Variants in IL5RA observed in about 807,000 individuals in gnomAD.
IL5RA encodes the protein interleukin 5 receptor subunit alpha.
Under a neutral mutation model 50.0 loss-of-function variants are expected in IL5RA, and 49 were observed. That is an observed-to-expected ratio of 0.98 (90% CI 0.78 to 1.24). The LOEUF is 1.24. Ranked by LOEUF, IL5RA falls within the 50% of genes most tolerant of loss-of-function variation. The probability of loss-of-function intolerance (pLI) is 0.00; values close to 1 mark genes in which losing one functional copy is unlikely to be tolerated. For synonymous variants in IL5RA, 202 were observed against 174.0 expected (o/e 1.16, Z -1.26); for missense variants, 600 against 500.4 (o/e 1.20, Z -1.90).
intron 9 of IL5RA, among the ~76,000 whole-genome samples, chr3:3,078,640 C>T (rs1305136706): frequency 1.3e-5 from 2 of 152,140 alleles, no homozygotes; most frequent in African/African-American, 4.8e-5. Context: ...TCAAGATCAG[C>T]CTGGCCAACA....
rs1702145974 is a variant in IL5RA, at chr3:3,066,769, C to G, written c.*3456G>C. 1.3e-5 allele frequency: 2 copies of G among 152,254 alleles called. No homozygotes were observed. Among genetic ancestry groups the G allele is most frequent in the East Asian group, 1.9e-4 (1 of 5,198 alleles). The allele number at this position is 152,254 out of a possible 1,614,324, so 9.4% of individuals were successfully genotyped here. ...CCAGCCTGCATGAATAGCTTGAGGT[C>G]TGAGGCATTTCAATGAGGCTCAGGT... On this transcript the variant is annotated 3_prime_UTR_variant, in exon 12 of 12. Transcript: ENST00000446632.
intron 9 of IL5RA, chr3:3,090,010 G>C: frequency 1.8e-6 from 1 of 543,688 alleles, no homozygotes; most frequent in South Asian, 2.1e-5. Context: ...AAGTGCTAGA[G>C]TCAGTTAATC....
rs192527484 is a variant in IL5RA at position 3,073,922 on chromosome 3, T to A, written c.1176+860A>T. 27 of 330,336 alleles carry A rather than the reference T, an allele frequency of 8.2e-5. No individual in the cohort carries two copies. In the East Asian group the frequency reaches 1.0e-3, roughly 12 times the overall value. The allele number at this position is 330,336 out of a possible 1,614,324, so 20.5% of individuals were successfully genotyped here. On this transcript the variant is annotated intron_variant, in intron 11 of 11. Transcript: ENST00000446632. ...GATAAAGCTACAGTAATCAAGACAG[T>A]ATTGTATTGGCATAAAGATAGACAA... is the stretch of plus-strand genomic sequence containing the variant.
At chr3:3,101,123 G>A (rs1703630440) in intron 5 of IL5RA, among the ~76,000 whole-genome samples, 1 of 151,124 alleles carries the variant, frequency 6.6e-6, no homozygotes, top group Non-Finnish European at 1.5e-5. Flanking sequence ...AGGTTGCAGT[G>A]AGTCAAGAAC....
chr3:3,104,487 G>A (rs1703809259), intron 3 of IL5RA, among the ~76,000 whole-genome samples: 1 of 152,150 alleles, frequency 6.6e-6, no homozygotes, highest in African/African-American at 2.4e-5. Context: ...GCTAGACTGG[G>A]ACCATGTGAT....
At position 3,098,027 on chromosome 3, in the gene IL5RA, T is replaced by C; in HGVS notation, c.552A>G (p.Glu184=). The C allele has an allele frequency of 2.5e-6, 4 of 1,614,226 alleles. No homozygotes were observed. Among genetic ancestry groups the C allele is most frequent in the Non-Finnish European group, 3.4e-6 (4 of 1,180,042 alleles). The change falls in exon 7 of 12, where the codon GAA becomes GAG. Residue 184 remains glutamate, a synonymous_variant. Transcript: ENST00000446632. ...TTCTCCCCAGTGTGTCTTTGCTGTATTCTTGGCATTCTTCAGTCCAAGAGC... is the reference window on the plus strand; with the variant it reads ...TTCTCCCCAGTGTGTCTTTGCTGTACTCTTGGCATTCTTCAGTCCAAGAGC... ...RYGSWTEECQ[E]YSKDTLGRNI...
rs1021277172 is a variant in IL5RA at position 3,092,592 on chromosome 3, C to G, written c.856-230G>C. ...TAACCAAAATATACGAAATGATCAA[C>G]GGTCAAGATCCAGGTGTTCCTATCC... On this transcript the variant is annotated intron_variant, in intron 8 of 11. Coordinates refer to ENST00000446632, the MANE Select transcript of IL5RA (RefSeq NM_175726.4). The surrounding 1 kb of genome is among the most constrained non-coding windows in gnomAD (Gnocchi z 4.2). Among the ~76,000 whole-genome samples the G allele has an allele frequency of 6.6e-6, 1 of 152,188 alleles. No homozygotes were observed. The highest frequency in any genetic ancestry group is 2.4e-5 in the African/African-American group (1 of 41,434).
intron 2 of IL5RA, among the ~76,000 whole-genome samples, chr3:3,105,992 C>T (rs3856848): frequency 0.21 from 31,880 of 152,120 alleles, 3,543 homozygotes; most frequent in African/African-American, 0.26. Context: ...TCTCTTACCA[C>T]GTGCTCCCCC....
At position 3,095,464 on chromosome 3, in the gene IL5RA, A is replaced by T. The variant is rs1281968307; in HGVS notation, c.710-20T>A. The T allele has an allele frequency of 2.6e-6, 4 of 1,532,874 alleles. No homozygotes were observed. The highest frequency in any genetic ancestry group is 3.5e-6 in the Non-Finnish European group (4 of 1,147,072). The allele number at this position is 1,532,874 out of a possible 1,614,324, so 95.0% of individuals were successfully genotyped here. On this transcript the variant is annotated intron_variant, in intron 7 of 11. Transcript: ENST00000446632. The stretch of plus-strand genomic sequence containing the variant: ...TTTGATCTAAGTTAGGGAACGAAAG[A>T]TCAGTGATTTTTTTTTTAGAATCAG...
intron 10 of IL5RA, among the ~76,000 whole-genome samples, chr3:3,075,351 T>C (rs957065358): frequency 3.3e-5 from 5 of 151,678 alleles, no homozygotes; most frequent in Non-Finnish European, 2.9e-5. Flanking sequence ...TACAGGCACA[T>C]GCCACTGCGC....
At chr3:3,070,677 G>A (rs1702269001) in intron 11 of IL5RA, among the ~76,000 whole-genome samples, 1 of 142,928 alleles carries the variant, frequency 7.0e-6, no homozygotes, top group African/African-American at 2.6e-5. Context: ...CCACCTCCCA[G>A]GTTCAAGTGA....
chr3:3,090,046 CTTG>C (rs1703023578), intron 9 of IL5RA: 1 of 609,520 alleles, frequency 1.6e-6, no homozygotes. Flanking sequence ...ATCCCTGCCA[CTTG>C]TTGGCCATGC....
chr3:3,105,842 G>A (rs1703896579), intron 2 of IL5RA, among the ~76,000 whole-genome samples: 1 of 152,186 alleles, frequency 6.6e-6, no homozygotes, highest in Admixed American at 6.5e-5. Flanking sequence ...CTCTTTCTGG[G>A]AACTGTAGAT....
Position 3,095,347 on chromosome 3 carries a change from G to A in IL5RA, c.807C>T (p.Cys269=). The A allele has an allele frequency of 1.2e-6, 2 of 1,608,008 alleles. No homozygotes were observed. The highest frequency in any genetic ancestry group is 1.7e-6 in the Non-Finnish European group (2 of 1,174,686). Residue 269 remains cysteine, a synonymous_variant, in exon 8 of 12, where the codon TGC becomes TGT. Transcript: ENST00000446632. ...EKPVSAFPIH[C]FDYEVKIHNT... ...TGTGTATTTTTACTTCATAATCAAA[G>A]CAATGGATTGGAAAAGCAGACACTG...
chr3:3,074,846 AACTTGATCCAT>A lies in IL5RA; in HGVS notation c.1101_1111del (p.Leu367PhefsTer11). 1 of 1,607,840 alleles carries A rather than the reference AACTTGATCCAT, an allele frequency of 6.2e-7. No homozygotes were observed. ...TTTTGGTGCTGGAATTGGTGGAAAC[AACTTGATCCAT>A]AAATGACATCTGAAAACAGAGTAAA... On this transcript the variant is annotated frameshift_variant, in exon 11 of 12. Coordinates refer to ENST00000446632, the MANE Select transcript of IL5RA (RefSeq NM_175726.4). LOFTEE classifies it high-confidence loss of function.
chr3:3,070,333 CT>C (rs1559858056), intron 11 of IL5RA, 22 bp from the exon 12 acceptor site: 1 of 1,526,540 alleles, frequency 6.6e-7, no homozygotes, highest in Admixed American at 1.7e-5. Context: ...ATCATCTTTC[CT>C]TAGATGTCTT....
At chr3:3,096,289 A>AAAAGAAG (rs367739003) in intron 7 of IL5RA, among the ~76,000 whole-genome samples, 5,109 of 141,280 alleles carry the variant, frequency 0.036, 264 homozygotes, top group African/African-American at 0.12. Flanking sequence ...AAAAAAAAAA[A>AAAAGAAG]AAGAAGAAGA....
At chr3:3,084,148 A>T (rs1001556809) in intron 9 of IL5RA, among the ~76,000 whole-genome samples, 35 of 152,048 alleles carry the variant, frequency 2.3e-4, no homozygotes, top group Admixed American at 2.0e-4. Flanking sequence ...TATGTCCTGC[A>T]TTATAAAACA....
At chr3:3,083,273 T>C (rs1265792098) in intron 9 of IL5RA, among the ~76,000 whole-genome samples, 1 of 151,836 alleles carries the variant, frequency 6.6e-6, no homozygotes, top group Non-Finnish European at 1.5e-5. Context: ...TTTAGAGAAA[T>C]AAAAAGAGGG....
Sources: gnomAD v4.1 joint callset for allele counts (sites outside exome capture counted in the v4.1 genomes callset) on GRCh38, gnomAD v4.1.1 for gene constraint, Gnocchi (gnomAD v3.1) non-coding constraint, MANE v1.5 for transcripts, NCBI Gene and HGNC (gene_info 2026-07-23, HGNC 2026-07-21) for gene names.